OR9Q1: variants seen among roughly 807,000 people sequenced by gnomAD.
The protein encoded by OR9Q1 is olfactory receptor 9Q1.
For missense variants in OR9Q1, 374 were observed against 378.8 expected (o/e 0.99, Z 0.11); for synonymous variants, 153 against 148.6 (o/e 1.03, Z -0.22).
At chr11:58,137,294 C>T (rs7938062) in intron 2 of OR9Q1, among the ~76,000 whole-genome samples, 31,510 of 152,114 alleles carry the variant, frequency 0.21, 3,855 homozygotes, top group Middle Eastern at 0.38. Flanking sequence ...GTTTGTTTCA[C>T]GTGACTTTTA....
intron 2 of OR9Q1, among the ~76,000 whole-genome samples, chr11:58,098,525 T>C (rs1038198066): frequency 1.3e-5 from 2 of 152,166 alleles, no homozygotes; most frequent in South Asian, 2.1e-4. Flanking sequence ...TAAAAATCTA[T>C]TTTTAGGCTG....
At chr11:58,045,884 G>T (rs1301726855) in intron 1 of OR9Q1, among the ~76,000 whole-genome samples, 1 of 152,128 alleles carries the variant, frequency 6.6e-6, no homozygotes, top group African/African-American at 2.4e-5. Context: ...TCTTTGTTAT[G>T]GAGAACTGTC....
chr11:58,098,044 T>C (rs1853748191), intron 2 of OR9Q1, among the ~76,000 whole-genome samples: 1 of 152,300 alleles, frequency 6.6e-6, no homozygotes, highest in Non-Finnish European at 1.5e-5. Context: ...TGTATATATG[T>C]GGCAAAACTC....
chr11:58,046,851 G>T (rs1397900838), intron 1 of OR9Q1, among the ~76,000 whole-genome samples: 2 of 151,654 alleles, frequency 1.3e-5, no homozygotes, highest in Non-Finnish European at 2.9e-5. Context: ...CAACAAGAGG[G>T]AAACTCCATC....
chr11:58,069,082 A>G (rs571754000), intron 2 of OR9Q1, among the ~76,000 whole-genome samples: 45 of 152,154 alleles, frequency 3.0e-4, no homozygotes, highest in African/African-American at 1.0e-3. Flanking sequence ...GGCTGCTTGA[A>G]GGTTACCTGG....
chr11:58,167,268 T>C lies in OR9Q1; in HGVS notation c.-14-12163T>C, dbSNP rs137985730. On this transcript the variant is annotated intron_variant, in intron 2 of 2. Coordinates refer to ENST00000335397, the MANE Select transcript of OR9Q1 (RefSeq NM_001005212.4). ...GAATTTGACACTTCATTTTCATACATTTCTATATTTACTCGAGTTTGTTTT... is the reference window on the plus strand; with the variant it reads ...GAATTTGACACTTCATTTTCATACACTTCTATATTTACTCGAGTTTGTTTT... Among the ~76,000 whole-genome samples, 1,055 of 152,306 alleles carry C rather than the reference T, an allele frequency of 6.9e-3. 10 individuals are homozygous for C. The highest frequency in any genetic ancestry group is 0.019 in the African/African-American group (776 of 41,584).
intron 2 of OR9Q1, among the ~76,000 whole-genome samples, chr11:58,058,783 CCACT>C (rs1392803646): frequency 2.0e-5 from 3 of 152,152 alleles, no homozygotes; most frequent in African/African-American, 7.2e-5. Flanking sequence ...GCTGATCCAG[CCACT>C]CAAAGTTGCT....
At chr11:58,150,492 G>A (rs1433401804) in intron 2 of OR9Q1, among the ~76,000 whole-genome samples, 1 of 152,180 alleles carries the variant, frequency 6.6e-6, no homozygotes, top group Non-Finnish European at 1.5e-5. Flanking sequence ...TTCTTTGTAT[G>A]TAGTCATGCA....
chr11:58,055,649 A>C (rs1017682632), intron 1 of OR9Q1, among the ~76,000 whole-genome samples: 15 of 151,976 alleles, frequency 9.9e-5, no homozygotes, highest in Admixed American at 2.6e-4. Context: ...AAATACAAAA[A>C]TGTAGCCAGG....
At chr11:58,126,155 G>A (rs545434363) in intron 2 of OR9Q1, among the ~76,000 whole-genome samples, 25 of 152,232 alleles carry the variant, frequency 1.6e-4, no homozygotes, top group South Asian at 2.1e-4. Context: ...GGGTTTCCAT[G>A]GTCAACTCTC....
rs964348160 is a variant in OR9Q1 at position 58,128,016 on chromosome 11, A to T, written c.-14-51415A>T. ...CTTTCTACCATTTAAATTGAAAAAA[A>T]TTTTTGACACTAACTCTGAAGTATT... On this transcript the variant is annotated intron_variant, in intron 2 of 2. Coordinates refer to ENST00000335397, the MANE Select transcript of OR9Q1 (RefSeq NM_001005212.4). Among the ~76,000 whole-genome samples, 22 of 152,242 alleles carry T rather than the reference A, an allele frequency of 1.4e-4. 1 individual carries two copies. The highest frequency in any genetic ancestry group is 8.3e-4 in the South Asian group (4 of 4,828).
intron 2 of OR9Q1, among the ~76,000 whole-genome samples, chr11:58,121,123 T>A (rs1854028448): frequency 6.6e-6 from 1 of 152,092 alleles, no homozygotes; most frequent in Non-Finnish European, 1.5e-5. Flanking sequence ...AAACTTCTGC[T>A]TCTGGGAGAA....
chr11:58,127,035 C>T (rs1854096980), intron 2 of OR9Q1, among the ~76,000 whole-genome samples: 2 of 152,194 alleles, frequency 1.3e-5, no homozygotes, highest in South Asian at 2.1e-4. Context: ...ACTGCAACTC[C>T]ACTTCCCGGG....
rs374591944 is a variant in OR9Q1, at chr11:58,180,046, T to C, written c.602T>C (p.Met201Thr). Residue 201 changes from methionine (M) to threonine (T), a missense_variant, in exon 3 of 3, where the codon ATG becomes ACG. By Grantham distance (81) the Met-to-Thr change is moderately conservative. Transcript: ENST00000335397. ...TACACTCAAGAAGTGCTGATTATTA[T>C]GTTTGCCATTTTTGTCATCCCTGCT... ...ESYTQEVLII[M>T]FAIFVIPASM... The C allele has an allele frequency of 3.0e-5, 48 of 1,614,090 alleles. No homozygotes were observed. The highest frequency in any genetic ancestry group is 3.9e-5 in the Non-Finnish European group (46 of 1,180,036).
In OR9Q1 at chr11:58,181,093, A is replaced by G. The variant is rs989196053; in HGVS notation, c.*716A>G. ...ACACAAACTTTTAACAATGCCTACA[A>G]TAACATGTCTGTCAATTGCTATCAC... On this transcript the variant is annotated 3_prime_UTR_variant, in exon 3 of 3. Transcript: ENST00000335397. 7.2e-5 allele frequency: 12 copies of G among 167,074 alleles called. No individual in the cohort carries two copies. The highest frequency in any genetic ancestry group is 7.3e-5 in the Non-Finnish European group (5 of 68,122). The allele number at this position is 167,074 out of a possible 1,614,324, so 10.3% of individuals were successfully genotyped here. A position where few individuals can be genotyped will look rare whatever the true frequency, so the allele number is the denominator to read the frequency against.
intron 1 of OR9Q1, among the ~76,000 whole-genome samples, chr11:58,036,505 A>G (rs906479528): frequency 3.9e-5 from 6 of 152,218 alleles, no homozygotes; most frequent in Admixed American, 2.6e-4. Context: ...TAGCTGCCAT[A>G]GATAGTGATT....
At chr11:58,055,046 T>C (rs1214777047) in intron 1 of OR9Q1, among the ~76,000 whole-genome samples, 1 of 152,160 alleles carries the variant, frequency 6.6e-6, no homozygotes, top group Non-Finnish European at 1.5e-5. Flanking sequence ...AATGACTTGG[T>C]TGGGAGGAAC....
intron 2 of OR9Q1, among the ~76,000 whole-genome samples, chr11:58,146,390 T>C (rs1854299348): frequency 6.6e-6 from 1 of 152,194 alleles, no homozygotes; most frequent in African/African-American, 2.4e-5. Context: ...CATGGAGACC[T>C]CACAATTTTA....
chr11:58,154,275 CTA>C (rs1854383974), intron 2 of OR9Q1, among the ~76,000 whole-genome samples: 1 of 152,084 alleles, frequency 6.6e-6, no homozygotes, highest in Non-Finnish European at 1.5e-5. Flanking sequence ...TTTGAGAACT[CTA>C]CTCTTAGCCC....
Sources: allele counts gnomAD v4.1 joint callset (sites outside exome capture counted in the v4.1 genomes callset), GRCh38; gene constraint gnomAD v4.1.1; transcripts MANE v1.5; gene names NCBI Gene and HGNC (gene_info 2026-07-23, HGNC 2026-07-21).